GPATCH2L: variants seen among roughly 807,000 people sequenced by gnomAD.
The protein encoded by GPATCH2L is G patch domain-containing protein 2-like.
Under a neutral mutation model 57.4 loss-of-function variants are expected in GPATCH2L, and 31 were observed. The observed-to-expected ratio is 0.54, with a 90% CI of 0.41 to 0.73. GPATCH2L has a LOEUF of 0.73. GPATCH2L is among the 30% of genes least tolerant of loss of function. The pLI, the probability that GPATCH2L is intolerant of heterozygous loss-of-function variation, is 0.00. For synonymous variants in GPATCH2L, 199 were observed against 210.7 expected (o/e 0.94, Z 0.48); for missense variants, 481 against 599.9 (o/e 0.80, Z 2.07).
rs959067979 is a variant in GPATCH2L at position 76,212,221 on chromosome 14, T to C, written c.*10370T>C. On this transcript the variant is annotated 3_prime_UTR_variant, in exon 10 of 10. Coordinates refer to ENST00000261530, the MANE Select transcript of GPATCH2L (RefSeq NM_017926.4). ...TAAAACCATAGAATAGGAACAAATGTACCTGTCATATTAATAAAAGTAAAC... is the reference window on the plus strand; with the variant it reads ...TAAAACCATAGAATAGGAACAAATGCACCTGTCATATTAATAAAAGTAAAC... The C allele has an allele frequency of 6.6e-6, 1 of 152,108 alleles. No homozygotes were observed. The highest frequency in any genetic ancestry group is 1.5e-5 in the Non-Finnish European group (1 of 68,004). 9.4% of individuals were successfully genotyped at this position (152,108 alleles called of 1,614,324 possible). A position where few individuals can be genotyped will look rare whatever the true frequency, so the allele number is the denominator to read the frequency against.
intron 1 of GPATCH2L, among the ~76,000 whole-genome samples, chr14:76,222,415 T>C (rs1369958010): frequency 6.6e-6 from 1 of 152,164 alleles, no homozygotes; most frequent in Non-Finnish European, 1.5e-5. Flanking sequence ...AAGACCAGCC[T>C]GGCCAACATG....
chr14:76,226,764 T>A (rs1041639077), intron 1 of GPATCH2L, among the ~76,000 whole-genome samples: 6 of 152,194 alleles, frequency 3.9e-5, no homozygotes, highest in Admixed American at 6.5e-5. Flanking sequence ...CTTCCCAGCC[T>A]CCAGAACTGT....
At chr14:76,198,526 A>G (rs2040224374) in intron 9 of GPATCH2L, among the ~76,000 whole-genome samples, 1 of 152,202 alleles carries the variant, frequency 6.6e-6, no homozygotes, top group Non-Finnish European at 1.5e-5. Flanking sequence ...ATGCCTTTTG[A>G]TAAAGCGGAA....
Position 76,212,251 on chromosome 14 carries a change from C to T in GPATCH2L, c.*10400C>T, listed in dbSNP as rs912726474. The T allele has an allele frequency of 1.3e-5, 2 of 151,958 alleles. No homozygotes were observed. Among genetic ancestry groups the T allele is most frequent in the African/African-American group, 4.8e-5 (2 of 41,356 alleles). 9.4% of individuals were successfully genotyped at this position (151,958 alleles called of 1,614,324 possible). ...GTCATATTAATAAAAGTAAACTTAT[C>T]TGTAGATAAAAGGCAAAAATGTCAG... On this transcript the variant is annotated 3_prime_UTR_variant, in exon 10 of 10. Transcript: ENST00000261530.
At position 76,201,924 on chromosome 14, in the gene GPATCH2L, C is replaced by A; in HGVS notation, c.*73C>A. ...AATGTTGGACTTTGTGTTAGATAGT[C>A]TTGCATATCTTAATCGACATTCCCA... On this transcript the variant is annotated 3_prime_UTR_variant, in exon 10 of 10. Transcript: ENST00000261530. 7.9e-7 allele frequency: 1 copy of A among 1,267,512 alleles called. No individual in the cohort carries two copies. The highest frequency in any genetic ancestry group is 1.4e-5 in the South Asian group (1 of 69,062). 78.5% of individuals were successfully genotyped at this position (1,267,512 alleles called of 1,614,324 possible).
rs2039533774 is a variant in GPATCH2L at position 76,180,827 on chromosome 14, T to C, written c.1171T>C (p.Ser391Pro). Residue 391 changes from serine to proline, a missense_variant, in exon 8 of 10, where the codon TCA becomes CCA. Transcript: ENST00000261530. ...TGCCGATGCTTCTCACCGAAGGTGTTCACCAGCACACTGCTCTGCCAGGTA... is the reference window on the plus strand; with the variant it reads ...TGCCGATGCTTCTCACCGAAGGTGTCCACCAGCACACTGCTCTGCCAGGTA... ...VLADASHRRCSPAHCSARQAN... is the reference protein window; with the variant it reads ...VLADASHRRCPPAHCSARQAN... 2 of 1,611,314 alleles carry C rather than the reference T, an allele frequency of 1.2e-6. No individual in the cohort carries two copies. The highest frequency in any genetic ancestry group is 1.7e-6 in the Non-Finnish European group (2 of 1,177,368).
At chr14:76,234,379 A>G (rs1221252747) in intron 2 of GPATCH2L, 1 of 152,182 alleles carries the variant, frequency 6.6e-6, no homozygotes, top group Non-Finnish European at 1.5e-5. Context: ...AGCTTTGTGT[A>G]ATCCCATCCC....
chr14:76,162,609 C>G (rs2038644231), intron 2 of GPATCH2L, among the ~76,000 whole-genome samples: 1 of 152,044 alleles, frequency 6.6e-6, no homozygotes. Flanking sequence ...TTTTCCTAGC[C>G]TTGTATGATG....
chr14:76,171,422 C>G (rs976213352), intron 3 of GPATCH2L, among the ~76,000 whole-genome samples: 2 of 151,980 alleles, frequency 1.3e-5, no homozygotes, highest in South Asian at 4.1e-4. Context: ...TAAAAAAATA[C>G]AAAAATTAGC....
At chr14:76,215,241 G>T (rs923462312), downstream of GPATCH2L, among the ~76,000 whole-genome samples, 14 of 151,930 alleles carry the variant, frequency 9.2e-5, no homozygotes, top group African/African-American at 3.1e-4. Context: ...AGTTAGAATG[G>T]CAATCATTAA....
chr14:76,223,984 A>T lies in GPATCH2L; in HGVS notation c.66-5824A>T, dbSNP rs192232638. 2.0e-5 allele frequency among the ~76,000 whole-genome samples: 3 copies of T among 152,324 alleles called. 1 individual carries two copies. Among genetic ancestry groups the T allele is most frequent in the African/African-American group, 7.2e-5 (3 of 41,574 alleles). On this transcript the variant is annotated intron_variant and NMD_transcript_variant, in intron 1 of 3. Coordinates refer to the GPATCH2L transcript ENST00000556372. ...TTACAATAAACTAAAAGTGAAAACCACCCAAGTACCTATCAACTGATGAAT... is the reference window on the plus strand; with the variant it reads ...TTACAATAAACTAAAAGTGAAAACCTCCCAAGTACCTATCAACTGATGAAT...
intron 8 of GPATCH2L, among the ~76,000 whole-genome samples, chr14:76,190,746 G>A (rs1335445165): frequency 2.0e-5 from 3 of 152,058 alleles, no homozygotes; most frequent in Non-Finnish European, 2.9e-5. Context: ...AAGTAGGTAG[G>A]TGCTTATCAG....
intron 5 of GPATCH2L, chr14:76,176,349 C>T (rs1386025710): frequency 2.4e-6 from 1 of 420,808 alleles, no homozygotes; most frequent in African/African-American, 2.0e-5. Flanking sequence ...AGGTATAGTA[C>T]TTATTAAAAT....
chr14:76,234,514 G>C (rs2040588983), intron 2 of GPATCH2L: 1 of 152,218 alleles, frequency 6.6e-6, no homozygotes, highest in African/African-American at 2.4e-5. Flanking sequence ...CCTGTTACTG[G>C]CTTTGAAGGA....
rs1234250853 is a variant in GPATCH2L, at chr14:76,202,090, C to T, written c.*239C>T. The T allele has an allele frequency of 1.7e-4, 63 of 373,934 alleles. No individual in the cohort carries two copies. Among genetic ancestry groups the T allele is most frequent in the Non-Finnish European group, 2.9e-5 (6 of 208,864 alleles). 23.2% of individuals were successfully genotyped at this position (373,934 alleles called of 1,614,324 possible). On this transcript the variant is annotated 3_prime_UTR_variant, in exon 10 of 10. Coordinates refer to ENST00000261530, the MANE Select transcript of GPATCH2L (RefSeq NM_017926.4). ...TTTTACAAAAAGGTCATCCTCTGCT[C>T]TATTTGTTACCTTGTTATTGCTGTC...
intron 8 of GPATCH2L, 24 bp downstream of exon 8, chr14:76,180,873 A>G: frequency 1.4e-6 from 2 of 1,423,892 alleles, no homozygotes; most frequent in Non-Finnish European, 2.0e-6. Context: ...AGTAGCGGTT[A>G]TTTGCTTCTG....
intron 1 of GPATCH2L, among the ~76,000 whole-genome samples, chr14:76,226,986 A>G (rs1023261589): frequency 6.6e-6 from 1 of 152,096 alleles, no homozygotes; most frequent in African/African-American, 2.4e-5. Flanking sequence ...GGTGTTTCTG[A>G]GTGTAAGGGG....
chr14:76,176,328 G>A (rs1341597319), intron 5 of GPATCH2L: 5 of 302,864 alleles, frequency 1.7e-5, no homozygotes, highest in Non-Finnish European at 2.4e-5. Flanking sequence ...ATATACTTCA[G>A]TAGTTACAGG....
rs2040447308 is a variant in GPATCH2L, at chr14:76,212,177, C to T, written c.*10326C>T. ...AACATGTATGCACAACCAAACAAAT[C>T]ACAAAAATGAAAGATGTCTAAAACC... On this transcript the variant is annotated 3_prime_UTR_variant, in exon 10 of 10. Coordinates refer to ENST00000261530, the MANE Select transcript of GPATCH2L (RefSeq NM_017926.4). The T allele has an allele frequency of 6.6e-6, 1 of 151,920 alleles. No homozygotes were observed. Among genetic ancestry groups the T allele is most frequent in the Non-Finnish European group, 1.5e-5 (1 of 67,940 alleles). The allele number at this position is 151,920 out of a possible 1,614,324, so 9.4% of individuals were successfully genotyped here.
Sources: gnomAD v4.1 joint callset for allele counts (sites outside exome capture counted in the v4.1 genomes callset) on GRCh38, gnomAD v4.1.1 for gene constraint, MANE v1.5 for transcripts, NCBI Gene and HGNC (gene_info 2026-07-23, HGNC 2026-07-21) for gene names.